Variants in LIMS1 observed in about 807,000 individuals in gnomAD.
LIMS1 encodes the protein LIM and senescent cell antigen-like-containing domain protein 1.
A neutral mutation model predicts 44.1 loss-of-function variants in LIMS1; 18 were observed. The ratio of observed to expected loss-of-function variants is 0.41; its 90% confidence interval spans 0.28 to 0.61. The LOEUF is 0.61. Ranked by LOEUF, LIMS1 falls within the 20% of genes least tolerant of loss-of-function variation. The pLI is 0.32. For synonymous variants in LIMS1, 93 were observed against 149.1 expected (o/e 0.62, Z 2.74); for missense variants, 201 against 422.0 (o/e 0.48, Z 4.59).
chr2:108,675,920 A>C, exon 6 of LIMS1: 1 of 1,613,978 alleles, frequency 6.2e-7, no homozygotes, highest in Non-Finnish European at 8.5e-7. Flanking sequence ...AAGGGGAGCT[A>C]TACTGCCTCC....
intron 1 of LIMS1, among the ~76,000 whole-genome samples, chr2:108,590,725 C>G (rs1686341514): frequency 6.6e-6 from 1 of 152,348 alleles, no homozygotes; most frequent in African/African-American, 2.4e-5. Flanking sequence ...GTCAGTGTTA[C>G]TTCTCTCTTC....
chr2:108,540,940 G>A (rs1034207980), intron 1 of LIMS1, among the ~76,000 whole-genome samples: 1 of 152,172 alleles, frequency 6.6e-6, no homozygotes, highest in African/African-American at 2.4e-5. Context: ...ACAGTATAGA[G>A]TAAATACCTT....
intron 1 of LIMS1, among the ~76,000 whole-genome samples, chr2:108,635,489 G>T (rs1266460807): frequency 6.6e-6 from 1 of 150,864 alleles, no homozygotes; most frequent in African/African-American, 2.4e-5. Context: ...GGCCAAGGCG[G>T]GTGGAATTCA....
chr2:108,577,003 A>AT (rs1685695494), intron 1 of LIMS1, among the ~76,000 whole-genome samples: 1 of 152,152 alleles, frequency 6.6e-6, no homozygotes, highest in South Asian at 2.1e-4. Flanking sequence ...CCATTGTTTG[A>AT]TTTTCACTAG....
intron 1 of LIMS1, among the ~76,000 whole-genome samples, chr2:108,583,628 T>A (rs1354348480): frequency 3.3e-5 from 5 of 151,974 alleles, no homozygotes; most frequent in Non-Finnish European, 5.9e-5. Flanking sequence ...ACAAATTTTT[T>A]AAATAAAGAT....
intron 1 of LIMS1, among the ~76,000 whole-genome samples, chr2:108,562,662 A>G (rs973802630): frequency 3.3e-5 from 5 of 152,252 alleles, no homozygotes; most frequent in African/African-American, 1.2e-4. Flanking sequence ...AAGCTTGAGG[A>G]AAGATCTCCG....
At chr2:108,621,225 T>G (rs1275970770) in intron 1 of LIMS1, 2 of 1,455,914 alleles carry the variant, frequency 1.4e-6, no homozygotes, top group African/African-American at 1.4e-5. Context: ...CAGCTTGGTC[T>G]GCCTGGAGGT....
intron 1 of LIMS1, among the ~76,000 whole-genome samples, chr2:108,586,182 A>G (rs990811359): frequency 6.6e-6 from 1 of 152,034 alleles, no homozygotes; most frequent in African/African-American, 2.4e-5. Context: ...ACAGAGCGAG[A>G]CTCCGTCTCA....
intron 2 of LIMS1, among the ~76,000 whole-genome samples, chr2:108,668,812 T>A (rs1691963194): frequency 6.6e-6 from 1 of 152,272 alleles, no homozygotes; most frequent in Non-Finnish European, 1.5e-5. Flanking sequence ...ATAGATGGCA[T>A]ACATTCATCA....
rs191325759 is a variant in LIMS1 at position 108,676,587 on chromosome 2, T to C, written c.682-19T>C. 6.4e-7 allele frequency: 1 copy of C among 1,554,516 alleles called. No individual in the cohort carries two copies. Among genetic ancestry groups the C allele is most frequent in the Non-Finnish European group, 8.7e-7 (1 of 1,153,002 alleles). ...AAAATATGGCAATTCAAAAATGACC[T>C]ATAGCAATTTTTTTTCAGCATTTTG... On this transcript the variant is annotated intron_variant, in intron 6 of 9. Transcript: ENST00000544547.
intron 1 of LIMS1, among the ~76,000 whole-genome samples, chr2:108,561,746 G>GT (rs200154866): frequency 0.38 from 50,589 of 133,974 alleles, 10,732 homozygotes; most frequent in East Asian, 0.88. Flanking sequence ...GTTTTTTTTT[G>GT]TTTTTTTTTT....
intron 1 of LIMS1, among the ~76,000 whole-genome samples, chr2:108,545,278 G>A (rs1334994493): frequency 6.6e-6 from 1 of 152,192 alleles, no homozygotes; most frequent in African/African-American, 2.4e-5. Flanking sequence ...TTGTTGCCCA[G>A]GCAGGAGTGC....
intron 1 of LIMS1, among the ~76,000 whole-genome samples, chr2:108,553,904 G>T (rs1387014955): frequency 6.6e-6 from 1 of 152,194 alleles, no homozygotes; most frequent in South Asian, 2.1e-4. Flanking sequence ...GGAGAACTTC[G>T]AATGATAGGG....
chr2:108,585,181 A>T, intron 1 of LIMS1, among the ~76,000 whole-genome samples: 1 of 147,268 alleles, frequency 6.8e-6, no homozygotes, highest in East Asian at 2.0e-4. Flanking sequence ...AGGCGGGGCC[A>T]GGCGATATAG....
intron 1 of LIMS1, among the ~76,000 whole-genome samples, chr2:108,619,045 C>T (rs1241897182): frequency 1.3e-5 from 2 of 152,056 alleles, no homozygotes; most frequent in Non-Finnish European, 2.9e-5. Flanking sequence ...TCCCCCGCCC[C>T]GTCTAACCCC....
chr2:108,627,091 A>G (rs1295102970), intron 1 of LIMS1, among the ~76,000 whole-genome samples: 4 of 152,218 alleles, frequency 2.6e-5, no homozygotes, highest in African/African-American at 7.2e-5. Flanking sequence ...ACAGTATTCA[A>G]TACAGTCCTG....
chr2:108,561,681 A>G (rs903340944), intron 1 of LIMS1, among the ~76,000 whole-genome samples: 5 of 151,158 alleles, frequency 3.3e-5, no homozygotes, highest in African/African-American at 1.2e-4. Flanking sequence ...AATTCTCACA[A>G]TATTTCAAAC....
chr2:108,619,189 ACT>A (rs1043953886), intron 1 of LIMS1, among the ~76,000 whole-genome samples: 5 of 151,780 alleles, frequency 3.3e-5, no homozygotes, highest in African/African-American at 1.2e-4. Flanking sequence ...ATTTTTAAAA[ACT>A]CTTTTAAAAA....
intron 1 of LIMS1, among the ~76,000 whole-genome samples, chr2:108,646,637 G>A (rs1426147541): frequency 6.6e-6 from 1 of 152,216 alleles, no homozygotes; most frequent in African/African-American, 2.4e-5. Flanking sequence ...GATCAGAGCA[G>A]AAAAGGAGAT....
Sources: gnomAD v4.1 joint callset for allele counts (sites outside exome capture counted in the v4.1 genomes callset) on GRCh38, gnomAD v4.1.1 for gene constraint, MANE v1.5 for transcripts, NCBI Gene and HGNC (gene_info 2026-07-23, HGNC 2026-07-21) for gene names.